Variants in GRID2 observed in about 807,000 individuals in gnomAD.
GRID2 encodes glutamate ionotropic receptor delta type subunit 2.
A neutral mutation model predicts 114.8 loss-of-function variants in GRID2; 33 were observed. That is an observed-to-expected ratio of 0.29 (90% CI 0.22 to 0.38). GRID2 has a LOEUF of 0.38. Ranked by LOEUF, GRID2 falls within the 10% of genes least tolerant of loss-of-function variation. The probability of loss-of-function intolerance (pLI) is 1.00; values close to 1 mark genes in which losing one functional copy is unlikely to be tolerated. For missense variants in GRID2, 1,184 were observed against 1,257.7 expected (o/e 0.94, Z 0.89); for synonymous variants, 505 against 449.9 (o/e 1.12, Z -1.55).
chr4:92,962,814 A>G (rs1205404870), intron 2 of GRID2, among the ~76,000 whole-genome samples: 1 of 151,920 alleles, frequency 6.6e-6, no homozygotes, highest in Admixed American at 6.6e-5. Flanking sequence ...GTCATCAAAT[A>G]CAGTTCAGGT....
At position 93,391,574 on chromosome 4, in the gene GRID2, A is replaced by G. The variant is rs188887994; in HGVS notation, c.1246-4033A>G. Reference sequence around the variant, plus strand: ...TGGAGAGAATTCCATTTGGTATTCAATTAAGATCTCCCCTGACTCCTGTTA... The same window carrying G: ...TGGAGAGAATTCCATTTGGTATTCAGTTAAGATCTCCCCTGACTCCTGTTA... On this transcript the variant is annotated intron_variant, in intron 8 of 15. Coordinates refer to ENST00000282020, the MANE Select transcript of GRID2 (RefSeq NM_001510.4). 4.6e-5 allele frequency among the ~76,000 whole-genome samples: 7 copies of G among 152,276 alleles called. No homozygotes were observed. In the East Asian group the frequency reaches 1.4e-3, roughly 29 times the overall value.
chr4:93,439,681 A>G (rs775846819), intron 10 of GRID2, among the ~76,000 whole-genome samples: 3 of 152,076 alleles, frequency 2.0e-5, no homozygotes, highest in Non-Finnish European at 4.4e-5. Flanking sequence ...GAGCATGGGT[A>G]AGGAGAACAG....
chr4:93,003,523 TG>T (rs770680193), intron 2 of GRID2, among the ~76,000 whole-genome samples: 21 of 152,094 alleles, frequency 1.4e-4, no homozygotes, highest in Non-Finnish European at 2.9e-4. Flanking sequence ...GCATTTTATA[TG>T]GGAATAATTT....
chr4:93,230,156 G>A (rs1745954461), intron 7 of GRID2, among the ~76,000 whole-genome samples: 1 of 151,912 alleles, frequency 6.6e-6, no homozygotes, highest in Non-Finnish European at 1.5e-5. Flanking sequence ...GCGTGTGTGT[G>A]TGTGTGTGTG....
At chr4:93,783,420 G>A (rs960742233) in intron 1 of GRID2, among the ~76,000 whole-genome samples, 1 of 152,182 alleles carries the variant, frequency 6.6e-6, no homozygotes, top group Non-Finnish European at 1.5e-5. Flanking sequence ...GAATCAAGGC[G>A]AGATGGAGGT....
chr4:93,071,789 T>G (rs1276886866), intron 2 of GRID2, among the ~76,000 whole-genome samples: 1 of 152,168 alleles, frequency 6.6e-6, no homozygotes, highest in Admixed American at 6.6e-5. Flanking sequence ...AGAGTTCTCA[T>G]GAAGAGTTAT....
intron 8 of GRID2, among the ~76,000 whole-genome samples, chr4:93,269,172 C>T (rs1205341731): frequency 6.6e-6 from 1 of 152,088 alleles, no homozygotes; most frequent in Non-Finnish European, 1.5e-5. Context: ...AAATTATAGT[C>T]AGTTTAATGC....
At chr4:92,333,679 A>G (rs1727014769) in intron 1 of GRID2, among the ~76,000 whole-genome samples, 1 of 152,124 alleles carries the variant, frequency 6.6e-6, no homozygotes, top group African/African-American at 2.4e-5. Context: ...CTAGACAAAC[A>G]ACTTCTTCCG....
chr4:92,367,151 C>CTAT (rs1728907963), intron 1 of GRID2, among the ~76,000 whole-genome samples: 2 of 151,970 alleles, frequency 1.3e-5, no homozygotes, highest in African/African-American at 4.8e-5. Flanking sequence ...GTGTGATTAC[C>CTAT]TATTACTCTT....
In GRID2 at chr4:93,267,918, C is replaced by T. The variant is rs367877425; in HGVS notation, c.1245+29428C>T. Among the ~76,000 whole-genome samples the T allele has an allele frequency of 1.2e-3, 189 of 152,240 alleles. 3 individuals are homozygous for T. The highest frequency in any genetic ancestry group is 4.4e-3 in the African/African-American group (182 of 41,554). Reference sequence around the variant, plus strand: ...ATCCTTCCTAGTGTCATTCCTGCTCCGTCTCTCTGCTACTCCCCAAGTCAG... The same window carrying T: ...ATCCTTCCTAGTGTCATTCCTGCTCTGTCTCTCTGCTACTCCCCAAGTCAG... On this transcript the variant is annotated intron_variant, in intron 8 of 15. Coordinates refer to ENST00000282020, the MANE Select transcript of GRID2 (RefSeq NM_001510.4).
intron 1 of GRID2, among the ~76,000 whole-genome samples, chr4:92,441,332 T>C (rs895830635): frequency 5.9e-5 from 9 of 152,190 alleles, no homozygotes; most frequent in African/African-American, 1.7e-4. Context: ...TCTGTGAAGC[T>C]TTGCAGCAGT....
intron 1 of GRID2, among the ~76,000 whole-genome samples, chr4:92,529,749 T>G: frequency 6.6e-6 from 1 of 152,180 alleles, no homozygotes; most frequent in East Asian, 1.9e-4. Context: ...GATTCTGCAC[T>G]TAGGACCATC....
intron 14 of GRID2, among the ~76,000 whole-genome samples, chr4:93,684,756 T>C (rs145602099): frequency 1.3e-5 from 2 of 152,118 alleles, no homozygotes; most frequent in East Asian, 3.9e-4. Flanking sequence ...GTATCTATTG[T>C]ATAGGGGGAG....
chr4:92,884,026 C>T (rs971634275), intron 2 of GRID2, among the ~76,000 whole-genome samples: 15 of 152,042 alleles, frequency 9.9e-5, no homozygotes, highest in Admixed American at 5.2e-4. Flanking sequence ...TCCTAGATGG[C>T]GTGCTTGTCC....
intron 1 of GRID2, among the ~76,000 whole-genome samples, chr4:92,561,809 C>G (rs1241956608): frequency 2.0e-5 from 3 of 152,146 alleles, no homozygotes; most frequent in Admixed American, 2.0e-4. Flanking sequence ...GGTTGTCTAT[C>G]TAATTTCATG....
chr4:93,678,707 C>T (rs1256278070), intron 14 of GRID2, among the ~76,000 whole-genome samples: 1 of 151,472 alleles, frequency 6.6e-6, no homozygotes, highest in African/African-American at 2.4e-5. Flanking sequence ...AAATAAAATA[C>T]TTTACAGACA....
In GRID2 at chr4:92,926,433, A is replaced by T. The variant is rs1046541331; in HGVS notation, c.245-158562A>T. The stretch of plus-strand genomic sequence containing the variant: ...ATTACATACAATAGAAAGTGGTGGT[A>T]GTTCACCATAGAAATTATCTGTTGC... On this transcript the variant is annotated intron_variant, in intron 2 of 15. Transcript: ENST00000282020. Among the ~76,000 whole-genome samples, 3 of 152,120 alleles carry T rather than the reference A, an allele frequency of 2.0e-5. No homozygotes were observed. The East Asian group carries it at 5.8e-4, about 29-fold the overall frequency.
At chr4:93,618,406 G>A (rs1741907618) in intron 13 of GRID2, among the ~76,000 whole-genome samples, 2 of 152,156 alleles carry the variant, frequency 1.3e-5, no homozygotes, top group African/African-American at 4.8e-5. Context: ...AGTTGTTGAA[G>A]TAGCCTAGGG....
At chr4:92,409,546 A>G (rs900424212) in intron 1 of GRID2, among the ~76,000 whole-genome samples, 1 of 152,202 alleles carries the variant, frequency 6.6e-6, no homozygotes, top group East Asian at 1.9e-4. Context: ...CATTTCAGAC[A>G]TATATTTCTC....
Sources: allele counts gnomAD v4.1 joint callset (sites outside exome capture counted in the v4.1 genomes callset), GRCh38; gene constraint gnomAD v4.1.1; transcripts MANE v1.5; gene names NCBI Gene and HGNC (gene_info 2026-07-23, HGNC 2026-07-21).